Variants in OBSL1 observed in about 807,000 individuals in gnomAD.
OBSL1 encodes obscurin-like protein 1.
Under a neutral mutation model 172.0 loss-of-function variants are expected in OBSL1, and 160 were observed. The ratio of observed to expected loss-of-function variants is 0.93; its 90% CI spans 0.82 to 1.06. The LOEUF (loss-of-function observed/expected upper bound fraction) is 1.06. Ranked by LOEUF, OBSL1 falls within the 50% of genes least tolerant of loss-of-function variation. OBSL1 has a pLI of 0.00. For synonymous variants in OBSL1, 1,200 were observed against 1,196.3 expected (o/e 1.00, Z -0.06); for missense variants, 2,681 against 2,715.4 (o/e 0.99, Z 0.28).
At chr2:219,551,408 C>G in intron 20 of OBSL1, 121 bp downstream of exon 20, 1 of 1,358,580 alleles carries the variant, frequency 7.4e-7, no homozygotes, top group Non-Finnish European at 9.8e-7. Flanking sequence ...ATCCCCACCT[C>G]CTACGTATCC....
intron 15 of OBSL1, chr2:219,554,222 G>C (rs959871342): frequency 8.7e-6 from 5 of 571,522 alleles, no homozygotes; most frequent in African/African-American, 1.9e-5. Context: ...CAATGGCAAA[G>C]GCATGCTCTT....
In OBSL1 at chr2:219,550,861, A is replaced by G. The variant is rs750358153; in HGVS notation, c.5684-19T>C. ...TAGTTGCCTGCAGAGGAATGACTCC[A>G]CATGGGGCTGGGGAGAGAAGGGGGT... On this transcript the variant is annotated intron_variant, in intron 20 of 20. Coordinates refer to ENST00000404537, the MANE Select transcript of OBSL1 (RefSeq NM_015311.3). The G allele has an allele frequency of 2.5e-6, 4 of 1,588,310 alleles. No homozygotes were observed. In the African/African-American group the frequency reaches 5.7e-5, roughly 23 times the overall value.
At chr2:219,550,247 C>T, downstream of OBSL1, 1 of 203,510 alleles carries the variant, frequency 4.9e-6, no homozygotes, top group Non-Finnish European at 1.0e-5. Flanking sequence ...TCCCATGGGC[C>T]ACCTCCTGCA....
chr2:219,553,475 C>A, intron 16 of OBSL1, 99 bp downstream of exon 16: 1 of 885,504 alleles, frequency 1.1e-6, no homozygotes, highest in Non-Finnish European at 1.9e-6. Flanking sequence ...TAGCACAGTG[C>A]CAGGCACATC....
chr2:219,571,041 G>A lies in OBSL1; in HGVS notation c.192C>T (p.Gly64=). ...ASERLSFPAD[G]AEHGLLLTAA... ...CGGTCAGCAGCAGGCCGTGCTCCGC[G>A]CCGTCCGCCGGGAAGCTCAGGCGTT... The change falls in exon 1 of 21, where the codon GGC becomes GGT. Residue 64 remains glycine (G), a synonymous_variant. Transcript: ENST00000404537. The A allele has an allele frequency of 2.7e-6, 4 of 1,457,134 alleles. No individual in the cohort carries two copies. Among genetic ancestry groups the A allele is most frequent in the Non-Finnish European group, 3.6e-6 (4 of 1,106,930 alleles). 90.3% of individuals were successfully genotyped at this position (1,457,134 alleles called of 1,614,324 possible).
chr2:219,552,803 G>A, intron 17 of OBSL1, 65 bp downstream of exon 17: 1 of 1,531,084 alleles, frequency 6.5e-7, no homozygotes, highest in South Asian at 1.2e-5. Flanking sequence ...CAGGGTCCGG[G>A]GAAGACAGCT....
At chr2:219,554,179 G>A in intron 15 of OBSL1, 1 of 512,762 alleles carries the variant, frequency 2.0e-6, no homozygotes, top group Non-Finnish European at 3.5e-6. Flanking sequence ...TGGTCAGTGG[G>A]GTGGTGTGCA....
At position 219,550,846 on chromosome 2, in the gene OBSL1, C is replaced by T. The variant is rs184252908; in HGVS notation, c.5684-4G>A. 2.1e-5 allele frequency: 34 copies of T among 1,609,936 alleles called. No individual in the cohort carries two copies. The African/African-American group carries it at 4.0e-4, about 19-fold the overall frequency. ...CTGGTTAGGTTCTCCTAGTTGCCTG[C>T]AGAGGAATGACTCCACATGGGGCTG... On this transcript the variant is annotated splice_region_variant and splice_polypyrimidine_tract_variant and intron_variant, in intron 20 of 20. Transcript: ENST00000404537.
chr2:219,565,219 C>A, intron 6 of OBSL1, 23 bp downstream of exon 6: 1 of 1,588,920 alleles, frequency 6.3e-7, no homozygotes, highest in Non-Finnish European at 8.6e-7. Context: ...GCTGGAGGAG[C>A]CCAGGCTGGC....
At position 219,554,643 on chromosome 2, in the gene OBSL1, G is replaced by T. The variant is rs376647784; in HGVS notation, c.4707C>A (p.Thr1569=). The change falls in exon 15 of 21, where the codon ACC becomes ACA. Residue 1569 remains threonine (T), a synonymous_variant. Transcript: ENST00000404537. ...GTACTCCACCCCGGGCCCACTCCCC[G>T]GTCACACCTTCCTGGGACAGCTCCA... ...FQLELSQEGV[T]GEWARGGVQL... is the part of the protein sequence containing the mutation. The T allele has an allele frequency of 6.2e-7, 1 of 1,609,886 alleles. No individual in the cohort carries two copies. Among genetic ancestry groups the T allele is most frequent in the Non-Finnish European group, 8.5e-7 (1 of 1,178,252 alleles).
intron 10 of OBSL1, 23 bp downstream of exon 10, chr2:219,558,161 C>T (rs754952280): frequency 2.5e-6 from 4 of 1,609,130 alleles, no homozygotes; most frequent in Non-Finnish European, 3.4e-6. Context: ...CCTCCCTGCC[C>T]TGGGTTGGCC....
intron 7 of OBSL1, 49 bp from the exon 8 acceptor site, chr2:219,562,723 G>A (rs377613398): frequency 1.4e-4 from 209 of 1,503,188 alleles, no homozygotes; most frequent in East Asian, 1.4e-3. Flanking sequence ...GTGCCCTGCC[G>A]TCCTCCCTGA....
At position 219,567,968 on chromosome 2, in the gene OBSL1, C is replaced by T. The variant is rs764359010; in HGVS notation, c.1284G>A (p.Gly428=). The T allele has an allele frequency of 1.2e-6, 2 of 1,613,368 alleles. No individual in the cohort carries two copies. Among genetic ancestry groups the T allele is most frequent in the South Asian group, 1.1e-5 (1 of 91,070 alleles). The change falls in exon 3 of 21, where the codon GGG becomes GGA. Residue 428 remains glycine (G), a splice_region_variant and synonymous_variant. Coordinates refer to ENST00000404537, the MANE Select transcript of OBSL1 (RefSeq NM_015311.3). ...VRTVANVTVK[G]PILKRLPRKL... ...TCCGGGGCAGGCGCTTCAGGATGGGCCCTGAGATGCGGACAGGAATCCATC... is the reference window on the plus strand; with the variant it reads ...TCCGGGGCAGGCGCTTCAGGATGGGTCCTGAGATGCGGACAGGAATCCATC...
Position 219,571,417 on chromosome 2 carries a change from G to A in OBSL1, c.-185C>T, listed in dbSNP as rs1697347778. On this transcript the variant is annotated 5_prime_UTR_variant, in exon 1 of 21. Coordinates refer to ENST00000404537, the MANE Select transcript of OBSL1 (RefSeq NM_015311.3). The stretch of plus-strand genomic sequence containing the variant: ...ACCCTCGGCCCCGAGCTGCAGCTCT[G>A]CGGCGGCGGCGGCGGCGATTCCCGG... 3.1e-6 allele frequency: 1 copy of A among 322,556 alleles called. No homozygotes were observed. 20.0% of individuals were successfully genotyped at this position (322,556 alleles called of 1,614,324 possible).
chr2:219,560,445 A>G (rs78556343), intron 8 of OBSL1, among the ~76,000 whole-genome samples: 1,765 of 152,266 alleles, frequency 0.012, 38 homozygotes, highest in African/African-American at 0.04. Flanking sequence ...GAACCATGTC[A>G]ATATTAGAGG....
At position 219,571,203 on chromosome 2, in the gene OBSL1, G is replaced by A. The variant is rs766271643; in HGVS notation, c.30C>T (p.Ser10=). The A allele has an allele frequency of 1.5e-5, 22 of 1,442,746 alleles. No homozygotes were observed. Among genetic ancestry groups the A allele is most frequent in the Middle Eastern group, 1.9e-4 (1 of 5,136 alleles). 89.4% of individuals were successfully genotyped at this position (1,442,746 alleles called of 1,614,324 possible). Residue 10 remains serine (S), a synonymous_variant, in exon 1 of 21, where the codon AGC becomes AGT. Coordinates refer to ENST00000404537, the MANE Select transcript of OBSL1 (RefSeq NM_015311.3). ...GCGGGAAGCGCAGGAAGCACGGGGG[G>A]CTCCCCTGATCCCCCGAGCTCGCCT... MKASSGDQG[S]PPCFLRFPRP... is the part of the protein sequence containing the mutation.
rs1695581089 is a variant in OBSL1 at position 219,551,092 on chromosome 2, G to A, written c.5684-250C>T. On this transcript the variant is annotated intron_variant, in intron 20 of 20. Coordinates refer to ENST00000404537, the MANE Select transcript of OBSL1 (RefSeq NM_015311.3). ...GTGGGATGTCTCTTATGGGGAAGAG[G>A]AAAGAAAGAGGCTTCTGCCAAGGCT... The A allele has an allele frequency of 1.2e-5, 17 of 1,412,028 alleles. No individual in the cohort carries two copies. In the South Asian group the frequency reaches 2.6e-4, roughly 22 times the overall value. 87.5% of individuals were successfully genotyped at this position (1,412,028 alleles called of 1,614,324 possible).
downstream of OBSL1, chr2:219,550,113 G>A: frequency 2.2e-6 from 1 of 454,016 alleles, no homozygotes; most frequent in East Asian, 3.5e-5. Flanking sequence ...TGTGTTGCCC[G>A]TGTGTCTGTG....
Position 219,562,632 on chromosome 2 carries a change from A to G in OBSL1, c.2723T>C (p.Val908Ala), listed in dbSNP as rs1374844942. 1.1e-5 allele frequency: 18 copies of G among 1,582,222 alleles called. No homozygotes were observed. The South Asian group carries it at 2.1e-4, about 18-fold the overall frequency. ...CACACGCTCCAGGCGCACGGCTGCC[A>G]CATACACCTTGCCGCTGGGATACAC... ...WIVYPSGKVY[V>A]AAVRLERVVL... The change falls in exon 8 of 21, where the codon GTG becomes GCG. Residue 908 changes from valine (V) to alanine (A), a missense_variant. Physicochemically the swap from Val to Ala is moderately conservative, Grantham distance 64 (BLOSUM62 0). Around this residue, in one of 5 missense-constraint regions of OBSL1, gnomAD observed 1,765 missense variants for 1,748.3 expected, o/e 1.01. Transcript: ENST00000404537.
Sources: allele counts gnomAD v4.1 joint callset (sites outside exome capture counted in the v4.1 genomes callset), GRCh38; gene constraint gnomAD v4.1.1; regional missense constraint gnomAD v4.1.1; transcripts MANE v1.5; gene names NCBI Gene and HGNC (gene_info 2026-07-23, HGNC 2026-07-21).